Variants in BMPR1B observed in about 807,000 individuals in gnomAD.
The protein encoded by BMPR1B is bone morphogenetic protein receptor type-1B.
Under a neutral mutation model 59.1 loss-of-function variants are expected in BMPR1B, and 12 were observed. The observed-to-expected ratio is 0.20, with a 90% CI of 0.13 to 0.33. The LOEUF (loss-of-function observed/expected upper bound fraction) is 0.33, where lower values mean the gene tolerates loss of function less well. Among genes scored for constraint, BMPR1B ranks in the 10% least tolerant of loss-of-function variants. The pLI, the probability that BMPR1B is intolerant of heterozygous loss-of-function variation, is 1.00. For missense variants in BMPR1B, 550 were observed against 610.9 expected (o/e 0.90, Z 1.05); for synonymous variants, 237 against 207.3 (o/e 1.14, Z -1.23).
At chr4:94,898,092 G>T (rs571466844) in intron 2 of BMPR1B, among the ~76,000 whole-genome samples, 41 of 151,406 alleles carry the variant, frequency 2.7e-4, no homozygotes, top group African/African-American at 7.5e-4. Flanking sequence ...GACTACACGT[G>T]CATGCTACCA....
intron 1 of BMPR1B, among the ~76,000 whole-genome samples, chr4:94,840,941 G>C (rs920075209): frequency 2.0e-5 from 3 of 146,624 alleles, no homozygotes; most frequent in African/African-American, 7.6e-5. Context: ...ATGGGTTTTT[G>C]GTGTGGATGT....
intron 2 of BMPR1B, among the ~76,000 whole-genome samples, chr4:94,925,508 T>G (rs571973528): frequency 1.2e-4 from 19 of 152,250 alleles, no homozygotes; most frequent in Admixed American, 3.9e-4. Flanking sequence ...GCCAGTCATA[T>G]CCTAAGTGTT....
chr4:94,902,088 G>GTGTGT (rs201783533), intron 2 of BMPR1B, among the ~76,000 whole-genome samples: 2,049 of 119,796 alleles, frequency 0.017, 62 homozygotes, highest in African/African-American at 0.059. Flanking sequence ...TGTGTGTGTG[G>GTGTGT]GGTGTATTTA....
In BMPR1B at chr4:95,115,685, G is replaced by A. The variant is rs369807264; in HGVS notation, c.247G>A (p.Asp83Asn). The A allele has an allele frequency of 6.2e-6, 10 of 1,612,336 alleles. No homozygotes were observed. The highest frequency in any genetic ancestry group is 1.7e-5 in the Admixed American group (1 of 59,964). The change falls in exon 6 of 13, where the codon GAC (aspartate) becomes AAC (asparagine). Residue 83 changes from aspartate (D) to asparagine (N), a missense_variant and splice_region_variant. Transcript: ENST00000515059. Reference protein sequence around the residue: ...GLEGSDFQCRDTPIPHQRRSI... With the variant: ...GLEGSDFQCRNTPIPHQRRSI... Reference sequence around the variant, plus strand: ...AATAGCTGTTTGGGTTCGATTATAGGACACTCCCATTCCTCATCAAAGAAG... The same window carrying A: ...AATAGCTGTTTGGGTTCGATTATAGAACACTCCCATTCCTCATCAAAGAAG...
chr4:94,852,651 C>T (rs1725610511), intron 1 of BMPR1B, among the ~76,000 whole-genome samples: 1 of 151,894 alleles, frequency 6.6e-6, no homozygotes, highest in Admixed American at 6.6e-5. Context: ...TGGCAAGCAC[C>T]CACATTAAAA....
chr4:94,776,564 C>T (rs1446857618), intron 1 of BMPR1B, among the ~76,000 whole-genome samples: 1 of 152,200 alleles, frequency 6.6e-6, no homozygotes, highest in Non-Finnish European at 1.5e-5. Context: ...AATTATTTAG[C>T]TACTTGTATA....
At chr4:95,115,917 T>A in intron 6 of BMPR1B, 130 bp downstream of exon 6, 1 of 812,542 alleles carries the variant, frequency 1.2e-6, no homozygotes, top group South Asian at 1.4e-5. Context: ...TGAGGCCAGA[T>A]GACATGGAAC....
At chr4:95,044,371 T>C (rs1392001517) in intron 3 of BMPR1B, among the ~76,000 whole-genome samples, 2 of 152,210 alleles carry the variant, frequency 1.3e-5, no homozygotes, top group African/African-American at 2.4e-5. Context: ...GTGCACTTGA[T>C]TGATGCCCAG....
At chr4:94,821,269 A>T (rs529566633) in intron 1 of BMPR1B, among the ~76,000 whole-genome samples, 3 of 152,152 alleles carry the variant, frequency 2.0e-5, no homozygotes. Flanking sequence ...CTAATTGAAA[A>T]CATGTATTTG....
intron 2 of BMPR1B, among the ~76,000 whole-genome samples, chr4:94,935,230 G>A (rs1161741627): frequency 1.3e-5 from 2 of 152,032 alleles, no homozygotes; most frequent in Non-Finnish European, 2.9e-5. Context: ...AAACTAAATT[G>A]AGTAAATCTC....
chr4:94,806,272 G>A (rs1723601515), intron 1 of BMPR1B, among the ~76,000 whole-genome samples: 1 of 152,138 alleles, frequency 6.6e-6, no homozygotes, highest in South Asian at 2.1e-4. Context: ...TTTTCTGCAT[G>A]TCAGGCCCAG....
At chr4:94,796,248 A>G (rs1343409282) in intron 1 of BMPR1B, among the ~76,000 whole-genome samples, 1 of 152,208 alleles carries the variant, frequency 6.6e-6, no homozygotes, top group Non-Finnish European at 1.5e-5. Context: ...TACAAGTGTA[A>G]GTCACCATGC....
At chr4:94,943,243 G>A (rs866470189) in intron 2 of BMPR1B, among the ~76,000 whole-genome samples, 3 of 151,774 alleles carry the variant, frequency 2.0e-5, no homozygotes, top group African/African-American at 7.3e-5. Flanking sequence ...AGGTTCAAGC[G>A]CTTCTCCTGC....
rs1174440272 is a variant in BMPR1B at position 95,158,047 on chromosome 4, T to C, written c.*3374T>C. ...TTGTTGGTCTGATCTGATTCTTCTTTGTTTGTGGGTGGAACGGCACTGAGA... is the reference window on the plus strand; with the variant it reads ...TTGTTGGTCTGATCTGATTCTTCTTCGTTTGTGGGTGGAACGGCACTGAGA... On this transcript the variant is annotated 3_prime_UTR_variant, in exon 13 of 13. Transcript: ENST00000515059. 1 of 152,198 alleles carries C rather than the reference T, an allele frequency of 6.6e-6. No homozygotes were observed. Among genetic ancestry groups the C allele is most frequent in the African/African-American group, 2.4e-5 (1 of 41,456 alleles). 9.4% of individuals were successfully genotyped at this position (152,198 alleles called of 1,614,324 possible).
chr4:94,812,624 C>G (rs533193754), intron 1 of BMPR1B, among the ~76,000 whole-genome samples: 1 of 152,110 alleles, frequency 6.6e-6, no homozygotes, highest in African/African-American at 2.4e-5. Flanking sequence ...AAAGATAACC[C>G]TGTTAGCCCT....
chr4:94,795,618 C>T (rs989756995), intron 1 of BMPR1B, among the ~76,000 whole-genome samples: 3 of 152,014 alleles, frequency 2.0e-5, no homozygotes, highest in African/African-American at 7.3e-5. Flanking sequence ...TGTGTACCAC[C>T]ACATCTGGCT....
chr4:94,901,754 A>G (rs1039306426), intron 2 of BMPR1B, among the ~76,000 whole-genome samples: 6 of 151,962 alleles, frequency 3.9e-5, no homozygotes, highest in African/African-American at 1.4e-4. Flanking sequence ...CTCTTGGGAA[A>G]GCAATTCGAC....
At chr4:95,132,250 C>T (rs1343279806) in intron 10 of BMPR1B, among the ~76,000 whole-genome samples, 1 of 152,096 alleles carries the variant, frequency 6.6e-6, no homozygotes, top group Non-Finnish European at 1.5e-5. Context: ...GTATAACTAC[C>T]TTTTAAAGAA....
chr4:94,990,418 A>G (rs1230204758), intron 2 of BMPR1B, among the ~76,000 whole-genome samples: 1 of 152,144 alleles, frequency 6.6e-6, no homozygotes, highest in Non-Finnish European at 1.5e-5. Context: ...CATTATTCAT[A>G]ATGGCCCAAA....
Sources: allele counts gnomAD v4.1 joint callset (sites outside exome capture counted in the v4.1 genomes callset), GRCh38; gene constraint gnomAD v4.1.1; transcripts MANE v1.5; gene names NCBI Gene and HGNC (gene_info 2026-07-23, HGNC 2026-07-21).